The following BCAS1 variants were observed in gnomAD, a reference collection of about 807,000 sequenced individuals.
BCAS1 encodes the protein breast carcinoma-amplified sequence 1.
BCAS1 carries 46 observed loss-of-function variants against 65.4 expected under a neutral mutation model. That is an observed-to-expected ratio of 0.70 (90% CI 0.55 to 0.90). The LOEUF is 0.90. BCAS1 is among the 40% of genes least tolerant of loss of function. The probability of loss-of-function intolerance (pLI) is 0.00; values close to 1 mark genes in which losing one functional copy is unlikely to be tolerated. For missense variants in BCAS1, 793 were observed against 771.2 expected, an observed-to-expected ratio of 1.03 and a Z score of -0.33; for synonymous variants, 298 against 293.5, an observed-to-expected ratio of 1.02 and a Z score of -0.16.
At chr20:54,059,094 C>T (rs2092344716) in intron 1 of BCAS1, among the ~76,000 whole-genome samples, 1 of 152,070 alleles carries the variant, frequency 6.6e-6, no homozygotes, top group South Asian at 2.1e-4. Context: ...ACGAGAACAG[C>T]GTGGAGGAAC....
In BCAS1 at chr20:53,957,474, G is replaced by A; in HGVS notation, c.1509C>T (p.Ile503=). The change falls in exon 11 of 13, where the codon ATC becomes ATT. Residue 503 remains isoleucine, a synonymous_variant. Transcript: ENST00000688948. ...TCCCATTTATTTCTTCTGAGTGGGTGATCCCTCCATCCCCTTTCACTGACT... is the reference window on the plus strand; with the variant it reads ...TCCCATTTATTTCTTCTGAGTGGGTAATCCCTCCATCCCCTTTCACTGACT... ...RQMSVKGDGG[I]THSEEINGKD... 1 of 1,614,108 alleles carries A rather than the reference G, an allele frequency of 6.2e-7. No individual in the cohort carries two copies. The highest frequency in any genetic ancestry group is 8.5e-7 in the Non-Finnish European group (1 of 1,179,938).
intron 4 of BCAS1, among the ~76,000 whole-genome samples, chr20:54,019,501 A>G (rs1312494420): frequency 6.6e-6 from 1 of 152,218 alleles, no homozygotes; most frequent in Non-Finnish European, 1.5e-5. Flanking sequence ...ACGCTGGTTA[A>G]CATTAGGTGT....
chr20:54,028,413 G>T lies in BCAS1; in HGVS notation c.702C>A (p.Ser234=). ...VDEVPGLSGQ[S]DDVPAGKDIV... ...TTACCTTCCCTGCAGGGACATCATC[G>T]GACTGCCCTGATAAGCCAGGAACCT... The change falls in exon 4 of 13, where the codon TCC becomes TCA. Residue 234 remains serine, a synonymous_variant. Transcript: ENST00000688948. 2 of 1,614,158 alleles carry T rather than the reference G, an allele frequency of 1.2e-6. No individual in the cohort carries two copies. The highest frequency in any genetic ancestry group is 1.1e-5 in the South Asian group (1 of 91,084).
chr20:53,945,387 C>T (rs890590618), intron 12 of BCAS1, among the ~76,000 whole-genome samples: 2 of 146,020 alleles, frequency 1.4e-5, no homozygotes, highest in African/African-American at 5.1e-5. Context: ...AGGTTCACCA[C>T]CCTGTTTTAT....
chr20:54,049,495 T>C (rs960217410), intron 3 of BCAS1, among the ~76,000 whole-genome samples: 1 of 152,080 alleles, frequency 6.6e-6, no homozygotes, highest in Non-Finnish European at 1.5e-5. Flanking sequence ...ATAAATAATA[T>C]GCAGGTGGGA....
chr20:54,018,073 T>G (rs986778530), intron 4 of BCAS1, among the ~76,000 whole-genome samples: 1 of 152,210 alleles, frequency 6.6e-6, no homozygotes, highest in Non-Finnish European at 1.5e-5. Flanking sequence ...CTAAGAATTG[T>G]TTGGCCCGTG....
intron 3 of BCAS1, among the ~76,000 whole-genome samples, chr20:54,030,272 T>A (rs2091770372): frequency 6.6e-6 from 1 of 152,196 alleles, no homozygotes; most frequent in Admixed American, 6.5e-5. Flanking sequence ...TGATATGGAG[T>A]AAATCACTAA....
chr20:53,997,111 G>A (rs2090937170), intron 4 of BCAS1, among the ~76,000 whole-genome samples: 1 of 152,148 alleles, frequency 6.6e-6, no homozygotes, highest in Middle Eastern at 3.2e-3. Flanking sequence ...GTCTCCACCA[G>A]AGTCCCTTGC....
chr20:53,953,694 G>A lies in BCAS1; in HGVS notation c.1553C>T (p.Thr518Ile). ...EINGKDSSCQ[T>I]SDSTEKTITP... ...GATAGTCTTTTCTGTGGAGTCTGAT[G>A]TCTACAGCAATTTCAAACAAAGTAC... The change falls in exon 12 of 13, where the codon ACA becomes ATA. Residue 518 changes from threonine (T) to isoleucine (I), a missense_variant and splice_region_variant. Thr to Ile is a moderately conservative substitution (Grantham distance 89, BLOSUM62 -1). Transcript: ENST00000688948. 6.2e-7 allele frequency: 1 copy of A among 1,611,054 alleles called. No homozygotes were observed. Among genetic ancestry groups the A allele is most frequent in the East Asian group, 2.2e-5 (1 of 44,784 alleles).
At chr20:54,016,729 C>A (rs2091445744) in intron 4 of BCAS1, among the ~76,000 whole-genome samples, 1 of 152,138 alleles carries the variant, frequency 6.6e-6, no homozygotes, top group South Asian at 2.1e-4. Flanking sequence ...TCTAGATTTC[C>A]ATTGTCCTCT....
chr20:53,996,449 G>T (rs1461017853), intron 4 of BCAS1, among the ~76,000 whole-genome samples: 1 of 133,038 alleles, frequency 7.5e-6, no homozygotes, highest in South Asian at 2.5e-4. Flanking sequence ...CACAGAGTTG[G>T]ATTATATCAA....
chr20:54,066,591 T>C (rs1221555231), intron 1 of BCAS1, among the ~76,000 whole-genome samples: 1 of 152,194 alleles, frequency 6.6e-6, no homozygotes, highest in Non-Finnish European at 1.5e-5. Flanking sequence ...CTTGATCTGA[T>C]AGAATTAGTG....
In BCAS1 at chr20:54,069,957, C is replaced by T. The variant is rs140247734; in HGVS notation, c.-6+476G>A. Among the ~76,000 whole-genome samples the T allele has an allele frequency of 1.9e-4, 29 of 152,168 alleles. 1 individual carries two copies. The highest frequency in any genetic ancestry group is 6.5e-5 in the Admixed American group (1 of 15,284). ...AGCTGCCTCATAGGGTGGTCTTGAG[C>T]GTTAAATAAGATTCACAAAAGGCAC... On this transcript the variant is annotated intron_variant, in intron 1 of 12. Coordinates refer to ENST00000688948, the MANE Select transcript of BCAS1 (RefSeq NM_001366298.2).
intron 2 of BCAS1, 83 bp downstream of exon 2, chr20:54,058,564 G>A: frequency 8.5e-6 from 13 of 1,525,318 alleles, no homozygotes; most frequent in Middle Eastern, 2.5e-4. Flanking sequence ...CAGGACTTCA[G>A]TCAACACACT....
intron 1 of BCAS1, among the ~76,000 whole-genome samples, chr20:54,067,100 C>T (rs111407555): frequency 8.4e-4 from 128 of 152,296 alleles, no homozygotes; most frequent in African/African-American, 3.0e-3. Flanking sequence ...TTAGGCCGGG[C>T]GCTGTGGCTC....
intron 11 of BCAS1, 113 bp downstream of exon 11, chr20:53,957,319 C>A: frequency 1.0e-6 from 1 of 959,588 alleles, no homozygotes; most frequent in African/African-American, 1.6e-5. Context: ...GGTGCTTAAT[C>A]CTGAGATATT....
At chr20:53,978,240 A>G (rs1365293027) in intron 8 of BCAS1, among the ~76,000 whole-genome samples, 1 of 152,138 alleles carries the variant, frequency 6.6e-6, no homozygotes, top group Non-Finnish European at 1.5e-5. Flanking sequence ...TCAGTCAACT[A>G]TCGCAAGAAC....
intron 3 of BCAS1, among the ~76,000 whole-genome samples, chr20:54,039,196 C>T (rs148808373): frequency 5.2e-4 from 79 of 151,520 alleles, no homozygotes; most frequent in East Asian, 3.7e-3. Flanking sequence ...TCAGGGTACA[C>T]GTGGCAGATA....
chr20:54,000,077 G>A (rs960243117), intron 4 of BCAS1, among the ~76,000 whole-genome samples: 44 of 152,262 alleles, frequency 2.9e-4, no homozygotes, highest in African/African-American at 1.0e-3. Flanking sequence ...TCTACTTTAA[G>A]TTGCTATAAT....
Sources: gnomAD v4.1 joint callset for allele counts (sites outside exome capture counted in the v4.1 genomes callset) on GRCh38, gnomAD v4.1.1 for gene constraint, MANE v1.5 for transcripts, NCBI Gene and HGNC (gene_info 2026-07-23, HGNC 2026-07-21) for gene names.